CFAP299: variants seen among roughly 807,000 people sequenced by gnomAD.
CFAP299 encodes the protein cilia- and flagella-associated protein 299.
Under a neutral mutation model 27.0 loss-of-function variants are expected in CFAP299, and 21 were observed. The observed-to-expected ratio is 0.78, with a 90% CI of 0.55 to 1.12. The LOEUF is 1.12. CFAP299 is among the 50% of genes most tolerant of loss of function. CFAP299 has a pLI of 0.00. For synonymous variants in CFAP299, 104 were observed against 98.1 expected, an observed-to-expected ratio of 1.06 and a Z score of -0.36; for missense variants, 310 against 276.6, an observed-to-expected ratio of 1.12 and a Z score of -0.86.
Position 80,804,492 on chromosome 4 carries a change from G to C in CFAP299, c.334-65501G>C, listed in dbSNP as rs1052248250. On this transcript the variant is annotated intron_variant, in intron 3 of 5. Coordinates refer to ENST00000358105, the MANE Select transcript of CFAP299 (RefSeq NM_152770.3). The stretch of plus-strand genomic sequence containing the variant: ...AAGGTTGAATAATATTCCATTGCAT[G>C]TTTATACCACATTTTGCTTATCCAT... Among the ~76,000 whole-genome samples, 20 of 152,220 alleles carry C rather than the reference G, an allele frequency of 1.3e-4. 1 individual carries two copies. Among genetic ancestry groups the C allele is most frequent in the South Asian group, 6.2e-4 (3 of 4,834 alleles).
chr4:80,356,818 AT>A (rs1335859128), intron 1 of CFAP299, among the ~76,000 whole-genome samples: 2 of 152,058 alleles, frequency 1.3e-5, no homozygotes, highest in Non-Finnish European at 2.9e-5. Flanking sequence ...CTATTTCGAT[AT>A]GCTTTATTGC....
intron 3 of CFAP299, among the ~76,000 whole-genome samples, chr4:80,602,654 C>T (rs1244820123): frequency 6.6e-6 from 1 of 152,068 alleles, no homozygotes; most frequent in African/African-American, 2.4e-5. Flanking sequence ...ATCTTTCTTT[C>T]CTTCCTTGGT....
chr4:80,345,907 C>T (rs1371658840), intron 1 of CFAP299, among the ~76,000 whole-genome samples: 1 of 152,170 alleles, frequency 6.6e-6, no homozygotes, highest in Non-Finnish European at 1.5e-5. Context: ...TAAAAGCGTT[C>T]CTATTTCTCC....
chr4:80,776,058 C>A (rs1397274541), intron 3 of CFAP299, among the ~76,000 whole-genome samples: 1 of 152,074 alleles, frequency 6.6e-6, no homozygotes, highest in Non-Finnish European at 1.5e-5. Flanking sequence ...AGGTTCAAAG[C>A]ACTCTTGCCA....
At chr4:80,448,968 C>T (rs534763506) in intron 2 of CFAP299, among the ~76,000 whole-genome samples, 1 of 152,156 alleles carries the variant, frequency 6.6e-6, no homozygotes, top group East Asian at 1.9e-4. Context: ...ATGGGCAGAA[C>T]CTAATTAAAA....
intron 3 of CFAP299, among the ~76,000 whole-genome samples, chr4:80,656,843 C>T (rs1412415912): frequency 6.6e-6 from 1 of 152,174 alleles, no homozygotes; most frequent in Non-Finnish European, 1.5e-5. Flanking sequence ...CTCCCACCAA[C>T]AGTGTAAAAC....
intron 1 of CFAP299, among the ~76,000 whole-genome samples, chr4:80,337,550 A>G (rs1241453214): frequency 1.3e-5 from 2 of 152,046 alleles, no homozygotes; most frequent in Non-Finnish European, 2.9e-5. Context: ...GGTCTGCACC[A>G]CCATACCCAG....
intron 2 of CFAP299, among the ~76,000 whole-genome samples, chr4:80,494,728 G>A (rs1267976379): frequency 6.6e-6 from 1 of 151,650 alleles, no homozygotes; most frequent in African/African-American, 2.4e-5. Context: ...TTTATGTTGA[G>A]TAGTAAATGT....
At chr4:80,750,238 A>T (rs962443686) in intron 3 of CFAP299, among the ~76,000 whole-genome samples, 1 of 152,180 alleles carries the variant, frequency 6.6e-6, no homozygotes, top group African/African-American at 2.4e-5. Context: ...AATAGCATTT[A>T]AAAAAATTTT....
At chr4:80,453,148 A>G (rs574131377) in intron 2 of CFAP299, among the ~76,000 whole-genome samples, 1 of 152,342 alleles carries the variant, frequency 6.6e-6, no homozygotes, top group South Asian at 2.1e-4. Flanking sequence ...GCACTCTCCT[A>G]TTATTCTGCA....
At chr4:80,376,132 GT>G (rs1363669217) in intron 2 of CFAP299, among the ~76,000 whole-genome samples, 3 of 152,000 alleles carry the variant, frequency 2.0e-5, no homozygotes, top group Admixed American at 6.6e-5. Context: ...TGTCCCTATA[GT>G]TTTGCCTTTT....
chr4:80,897,138 G>T (rs1734646428), intron 4 of CFAP299, among the ~76,000 whole-genome samples: 1 of 152,066 alleles, frequency 6.6e-6, no homozygotes, highest in Non-Finnish European at 1.5e-5. Context: ...ATATATTCTA[G>T]AACCAAGCTG....
chr4:80,537,495 C>T (rs189357475), intron 2 of CFAP299, among the ~76,000 whole-genome samples: 210 of 152,222 alleles, frequency 1.4e-3, no homozygotes, highest in African/African-American at 4.7e-3. Context: ...CAACAGATTA[C>T]TATTCAGCCT....
chr4:80,583,033 A>G lies in CFAP299; in HGVS notation c.243-60A>G, dbSNP rs372340494. 27 of 1,065,040 alleles carry G rather than the reference A, an allele frequency of 2.5e-5. No homozygotes were observed. The East Asian group carries it at 5.1e-4, about 20-fold the overall frequency. 66.0% of individuals were successfully genotyped at this position (1,065,040 alleles called of 1,614,324 possible). A position where few individuals can be genotyped will look rare whatever the true frequency, so the allele number is the denominator to read the frequency against. ...TTAAAGAAGCATTGTTGTTGGCTCC[A>G]GAGTGTTGGAAACATATTTGTTATC... On this transcript the variant is annotated intron_variant, in intron 2 of 5. Coordinates refer to ENST00000358105, the MANE Select transcript of CFAP299 (RefSeq NM_152770.3).
At chr4:80,601,586 C>A (rs145435349) in intron 3 of CFAP299, among the ~76,000 whole-genome samples, 36 of 152,204 alleles carry the variant, frequency 2.4e-4, no homozygotes, top group Admixed American at 6.5e-4. Context: ...AATGGGCTTG[C>A]CATTGTTGTA....
intron 3 of CFAP299, 26 bp from the exon 4 acceptor site, chr4:80,869,967 T>C: frequency 6.3e-7 from 1 of 1,577,730 alleles, no homozygotes; most frequent in Non-Finnish European, 8.6e-7. Context: ...TATATTTTTG[T>C]CTTATTCTCT....
At position 80,699,176 on chromosome 4, in the gene CFAP299, G is replaced by A. The variant is rs115127745; in HGVS notation, c.333+115993G>A. Among the ~76,000 whole-genome samples the A allele has an allele frequency of 8.3e-3, 1,261 of 151,992 alleles. 13 individuals are homozygous for A. The highest frequency in any genetic ancestry group is 0.028 in the African/African-American group (1,174 of 41,438). On this transcript the variant is annotated intron_variant, in intron 3 of 5. Coordinates refer to ENST00000358105, the MANE Select transcript of CFAP299 (RefSeq NM_152770.3). The stretch of plus-strand genomic sequence containing the variant: ...ACTTCTAGACTCTCTAATTGATATG[G>A]CCCTTGGCAACCTAGGTATGTCTGA...
intron 3 of CFAP299, among the ~76,000 whole-genome samples, chr4:80,586,304 G>A (rs181001098): frequency 6.6e-6 from 1 of 152,104 alleles, no homozygotes. Flanking sequence ...AGCTATAATT[G>A]TGAATAAAAT....
chr4:80,469,360 G>T (rs1282702981), intron 2 of CFAP299, among the ~76,000 whole-genome samples: 1 of 152,130 alleles, frequency 6.6e-6, no homozygotes, highest in Non-Finnish European at 1.5e-5. Context: ...AGTAACAAAG[G>T]ATACATAGTT....
Sources: allele counts gnomAD v4.1 joint callset (sites outside exome capture counted in the v4.1 genomes callset), GRCh38; gene constraint gnomAD v4.1.1; transcripts MANE v1.5; gene names NCBI Gene and HGNC (gene_info 2026-07-23, HGNC 2026-07-21).